The following ZNF536 variants were observed in gnomAD, a reference collection of about 807,000 sequenced individuals.
ZNF536 encodes zinc finger protein 536.
A neutral mutation model predicts 84.5 loss-of-function variants in ZNF536; 13 were observed. That is an observed-to-expected ratio of 0.15 (90% CI 0.10 to 0.24). The LOEUF (loss-of-function observed/expected upper bound fraction) is 0.24, where lower values mean the gene tolerates loss of function less well. ZNF536 is among the 10% of genes least tolerant of loss of function. The pLI, the probability that ZNF536 is intolerant of heterozygous loss-of-function variation, is 1.00. For synonymous variants in ZNF536, 811 were observed against 742.5 expected (o/e 1.09, Z -1.50); for missense variants, 1,536 against 1,747.5 (o/e 0.88, Z 2.16).
chr19:30,684,480 G>A (rs922061777), intron 1 of ZNF536, among the ~76,000 whole-genome samples: 30 of 152,122 alleles, frequency 2.0e-4, no homozygotes, highest in Admixed American at 7.2e-4. Context: ...AAGACAACAC[G>A]TCAACTTTCC....
At chr19:30,255,073 A>G (rs2024837931) in intron 1 of ZNF536, among the ~76,000 whole-genome samples, 1 of 152,222 alleles carries the variant, frequency 6.6e-6, no homozygotes, top group African/African-American at 2.4e-5. Flanking sequence ...AATTCACATT[A>G]TGAAATATCC....
rs1411332076 is a variant in ZNF536 at position 30,470,288 on chromosome 19, ATCT to A, written c.2170+24561_2170+24563del. On this transcript the variant is annotated intron_variant, in intron 2 of 4. Transcript: ENST00000355537. ...CAGAAAAGTTGCAAGAAGAGTCCAA[ATCT>A]TCTTATACTCCATGCCCAGCTTCCC... is the stretch of plus-strand genomic sequence containing the variant. Among the ~76,000 whole-genome samples, 12 of 152,262 alleles carry A rather than the reference ATCT, an allele frequency of 7.9e-5. No homozygotes were observed. In the South Asian group the frequency reaches 1.2e-3, roughly 16 times the overall value.
intron 1 of ZNF536, among the ~76,000 whole-genome samples, chr19:30,406,514 T>C (rs2147610329): frequency 6.6e-6 from 1 of 152,214 alleles, no homozygotes; most frequent in East Asian, 1.9e-4. Flanking sequence ...GGATACATTG[T>C]AGGGCTATAA....
chr19:30,475,869 TG>T (rs758332084), intron 2 of ZNF536, among the ~76,000 whole-genome samples: 150 of 152,300 alleles, frequency 9.8e-4, no homozygotes, highest in East Asian at 3.3e-3. Flanking sequence ...TCTAAAGGTA[TG>T]GGGAGGTGCC....
intron 2 of ZNF536, among the ~76,000 whole-genome samples, chr19:30,459,684 G>A (rs895783247): frequency 5.9e-5 from 9 of 152,094 alleles, no homozygotes; most frequent in African/African-American, 1.2e-4. Flanking sequence ...TGCAGCTCAC[G>A]GGGTCGGCCT....
chr19:30,700,342 T>TC (rs141484226), intron 1 of ZNF536, among the ~76,000 whole-genome samples: 1 of 128,488 alleles, frequency 7.8e-6, no homozygotes, highest in Non-Finnish European at 1.6e-5. Context: ...CCTCCCTCCC[T>TC]CCCCCCTCCT....
chr19:30,309,988 G>T (rs187692096), intron 2 of ZNF536, among the ~76,000 whole-genome samples: 1 of 152,236 alleles, frequency 6.6e-6, no homozygotes, highest in Admixed American at 6.5e-5. Context: ...TAGGCGTGGC[G>T]TGGAATGAAT....
At chr19:30,353,328 G>C (rs762211995) in intron 3 of ZNF536, among the ~76,000 whole-genome samples, 1 of 152,140 alleles carries the variant, frequency 6.6e-6, no homozygotes, top group Admixed American at 6.5e-5. Context: ...CTACGGCCTC[G>C]TGTAATATCG....
intron 1 of ZNF536, among the ~76,000 whole-genome samples, chr19:30,670,652 C>G (rs777658388): frequency 1.2e-4 from 19 of 152,224 alleles, no homozygotes; most frequent in Non-Finnish European, 2.4e-4. Flanking sequence ...GGAGGCATTT[C>G]CCAGGCTCTT....
chr19:30,375,386 C>T (rs1202725944), intron 1 of ZNF536, among the ~76,000 whole-genome samples: 1 of 152,082 alleles, frequency 6.6e-6, no homozygotes, highest in East Asian at 1.9e-4. Flanking sequence ...TAATCACCCG[C>T]GGGCTGGGTG....
chr19:30,627,693 C>T (rs2048737496), intron 1 of ZNF536, among the ~76,000 whole-genome samples: 1 of 152,090 alleles, frequency 6.6e-6, no homozygotes, highest in South Asian at 2.1e-4. Context: ...TCTCTGAAGG[C>T]TCTCATATTC....
chr19:30,480,254 A>T (rs925282535), intron 2 of ZNF536, among the ~76,000 whole-genome samples: 1 of 152,154 alleles, frequency 6.6e-6, no homozygotes, highest in Non-Finnish European at 1.5e-5. Context: ...GTGGGTCAAC[A>T]GGTCTCTCTT....
intron 2 of ZNF536, among the ~76,000 whole-genome samples, chr19:30,335,148 A>G (rs1364726825): frequency 1.3e-5 from 2 of 152,174 alleles, no homozygotes; most frequent in Admixed American, 6.5e-5. Context: ...TGGCCAGAGC[A>G]TGGAGGATTT....
chr19:30,636,741 C>T (rs1568624564), intron 1 of ZNF536, among the ~76,000 whole-genome samples: 1 of 152,160 alleles, frequency 6.6e-6, no homozygotes, highest in Non-Finnish European at 1.5e-5. Context: ...CAATGTCATA[C>T]TCCTAACTCC....
At chr19:30,697,379 AC>A (rs2051705645) in intron 1 of ZNF536, among the ~76,000 whole-genome samples, 1 of 152,240 alleles carries the variant, frequency 6.6e-6, no homozygotes, top group African/African-American at 2.4e-5. Context: ...ATCAAAATGC[AC>A]ATCTCCCATT....
chr19:30,601,381 C>T (rs551050565), intron 1 of ZNF536, among the ~76,000 whole-genome samples: 46 of 152,258 alleles, frequency 3.0e-4, no homozygotes, highest in Non-Finnish European at 5.1e-4. Flanking sequence ...TCGTGAGTCA[C>T]GTGGGCAGCA....
At chr19:30,550,693 G>A (rs561123400) in intron 4 of ZNF536, among the ~76,000 whole-genome samples, 9 of 152,124 alleles carry the variant, frequency 5.9e-5, no homozygotes, top group South Asian at 2.1e-4. Context: ...CCTGTTGTTC[G>A]TTTAAGCACA....
At chr19:30,616,730 C>T (rs1055080420) in intron 1 of ZNF536, among the ~76,000 whole-genome samples, 4 of 152,136 alleles carry the variant, frequency 2.6e-5, no homozygotes, top group Non-Finnish European at 5.9e-5. Context: ...GCATGGGTGT[C>T]ATCTGTCTTG....
At chr19:30,516,282 G>A (rs1991832) in intron 2 of ZNF536, among the ~76,000 whole-genome samples, 30 of 152,230 alleles carry the variant, frequency 2.0e-4, no homozygotes, top group African/African-American at 2.6e-4. Context: ...GCCGTCCTCC[G>A]TCCTCCTGGG....
Sources: allele counts gnomAD v4.1 joint callset (sites outside exome capture counted in the v4.1 genomes callset), GRCh38; gene constraint gnomAD v4.1.1; transcripts MANE v1.5; gene names NCBI Gene and HGNC (gene_info 2026-07-23, HGNC 2026-07-21).